Variants in ZEB2 observed in about 807,000 individuals in gnomAD.
The protein encoded by ZEB2 is zinc finger E-box-binding homeobox 2.
A neutral mutation model predicts 99.9 loss-of-function variants in ZEB2; 6 were observed. That is an observed-to-expected ratio of 0.06 (90% CI 0.03 to 0.12). The LOEUF is 0.12. Ranked by LOEUF, ZEB2 falls within the 10% of genes least tolerant of loss-of-function variation. The pLI is 1.00. For synonymous variants in ZEB2, 517 were observed against 542.5 expected, an observed-to-expected ratio of 0.95 and a Z score of 0.65; for missense variants, 969 against 1,502.8, an observed-to-expected ratio of 0.64 and a Z score of 5.87.
intron 2 of ZEB2, among the ~76,000 whole-genome samples, chr2:144,459,199 TAAGA>T (rs1173084678): frequency 2.6e-5 from 4 of 152,176 alleles, no homozygotes; most frequent in African/African-American, 9.7e-5. Context: ...GAAGCTGTGT[TAAGA>T]AATATTGTGC....
At position 144,505,321 on chromosome 2, in the gene ZEB2, G is replaced by T. The variant is rs540734574; in HGVS notation, c.73+11957C>A. On this transcript the variant is annotated intron_variant, in intron 2 of 9. Transcript: ENST00000627532. ...GAAAATAAAAAGCGACTGGGGGAAAGACAAGGAAAGCAAGTGGTTTTCAAG... is the reference window on the plus strand; with the variant it reads ...GAAAATAAAAAGCGACTGGGGGAAATACAAGGAAAGCAAGTGGTTTTCAAG... Among the ~76,000 whole-genome samples the T allele has an allele frequency of 2.6e-5, 4 of 152,320 alleles. No homozygotes were observed. The East Asian group carries it at 7.7e-4, about 29-fold the overall frequency.
At chr2:144,391,876 T>A (rs998187298) in intron 9 of ZEB2, among the ~76,000 whole-genome samples, 8 of 152,218 alleles carry the variant, frequency 5.3e-5, no homozygotes, top group Non-Finnish European at 1.5e-5. Flanking sequence ...TTCTCAGGCA[T>A]GTTAACTTCT....
At chr2:144,513,683 C>T (rs116497883) in intron 2 of ZEB2, 107,326 of 1,535,334 alleles carry the variant, frequency 0.07, 4,051 homozygotes, top group Middle Eastern at 0.079. Context: ...TCCCAGGACC[C>T]GCTGCCCGAA....
chr2:144,440,533 T>A (rs1487586933), intron 2 of ZEB2, among the ~76,000 whole-genome samples: 142 of 95,286 alleles, frequency 1.5e-3, no homozygotes, highest in African/African-American at 6.0e-3. Flanking sequence ...TTTTTTTTTT[T>A]TTTTTTTTTA....
intron 2 of ZEB2, among the ~76,000 whole-genome samples, 169 bp downstream of exon 2, chr2:144,517,109 A>G (rs1395797752): frequency 6.7e-6 from 1 of 149,750 alleles, no homozygotes; most frequent in Non-Finnish European, 1.5e-5. Context: ...CCCCCGGTCC[A>G]GCCGCCGCGC....
chr2:144,487,744 T>C (rs995722786), intron 2 of ZEB2, among the ~76,000 whole-genome samples: 6 of 152,130 alleles, frequency 3.9e-5, no homozygotes, highest in Non-Finnish European at 7.4e-5. Context: ...ACAAGTAAGA[T>C]CTCTGAAAAA....
chr2:144,500,320 T>C (rs1179140635), intron 2 of ZEB2, among the ~76,000 whole-genome samples: 47 of 152,240 alleles, frequency 3.1e-4, no homozygotes, highest in Non-Finnish European at 1.3e-4. Context: ...AATGATGATT[T>C]TTCTGCATTA....
intron 2 of ZEB2, among the ~76,000 whole-genome samples, chr2:144,471,551 C>T (rs1386742864): frequency 2.0e-5 from 3 of 151,100 alleles, no homozygotes; most frequent in Non-Finnish European, 4.4e-5. Flanking sequence ...TGGGTTTTTC[C>T]CTCCCCCACA....
chr2:144,511,030 GT>G (rs1179214874), intron 2 of ZEB2, among the ~76,000 whole-genome samples: 1 of 152,074 alleles, frequency 6.6e-6, no homozygotes, highest in Non-Finnish European at 1.5e-5. Context: ...CAGACTGGCA[GT>G]TTTTTTCCCC....
intron 2 of ZEB2, among the ~76,000 whole-genome samples, chr2:144,498,159 G>T (rs1704815380): frequency 9.1e-6 from 1 of 109,660 alleles, no homozygotes; most frequent in African/African-American, 3.8e-5. Context: ...ATATATATAT[G>T]AAACATTGGT....
At chr2:144,401,770 A>G (rs1703314573) in intron 6 of ZEB2, among the ~76,000 whole-genome samples, 1 of 152,232 alleles carries the variant, frequency 6.6e-6, no homozygotes, top group Non-Finnish European at 1.5e-5. Flanking sequence ...GTATCAGCAT[A>G]AAAGTATATC....
At position 144,384,250 on chromosome 2, in the gene ZEB2, G is replaced by C. The variant is rs1703051504; in HGVS notation, c.*5201C>G. 2 of 151,820 alleles carry C rather than the reference G, an allele frequency of 1.3e-5. No homozygotes were observed. The highest frequency in any genetic ancestry group is 2.9e-5 in the Non-Finnish European group (2 of 67,970). 9.4% of individuals were successfully genotyped at this position (151,820 alleles called of 1,614,324 possible). A position where few individuals can be genotyped will look rare whatever the true frequency, so the allele number is the denominator to read the frequency against. On this transcript the variant is annotated 3_prime_UTR_variant, in exon 10 of 10. Transcript: ENST00000627532. ...AACATGTCATGCTAGATTATAGGTA[G>C]TAGGCGACTCGTTTAATAGAGAAAG...
intron 2 of ZEB2, among the ~76,000 whole-genome samples, chr2:144,433,357 A>G (rs1009281794): frequency 6.6e-6 from 1 of 152,234 alleles, no homozygotes; most frequent in Non-Finnish European, 1.5e-5. Flanking sequence ...ATAATTATAT[A>G]CAGGTACTGT....
chr2:144,399,786 C>G lies in ZEB2; in HGVS notation c.1401G>C (p.Val467=). The change falls in exon 8 of 10, where the codon GTG becomes GTC. Residue 467 remains valine (V), a synonymous_variant. Transcript: ENST00000627532. This position sits in a 1 kb window ranked among gnomAD's most constrained non-coding sequence, Gnocchi z 5.6. ...TTTTTTGCCTGGAAACAGTATTGTC[C>G]ACAATCTGTAGAACCTTTTGTACCT... ...LSEVQKVLQI[V]DNTVSRQKMD... 6.2e-7 allele frequency: 1 copy of G among 1,614,050 alleles called. No individual in the cohort carries two copies. The highest frequency in any genetic ancestry group is 2.2e-5 in the East Asian group (1 of 44,880).
chr2:144,484,185 T>TTGTGTGTGTGTGTGTGTG (rs10529605), intron 2 of ZEB2, among the ~76,000 whole-genome samples: 15,402 of 142,274 alleles, frequency 0.11, 1,018 homozygotes, highest in Middle Eastern at 0.13. Flanking sequence ...AAATCTGGAT[T>TTGTGTGTGTGTGTGTGTG]TGTGTGTGTG....
chr2:144,440,954 G>A (rs1377281251), intron 2 of ZEB2, among the ~76,000 whole-genome samples: 13 of 150,594 alleles, frequency 8.6e-5, no homozygotes, highest in Non-Finnish European at 7.4e-5. Flanking sequence ...ATGTCACCCA[G>A]ACTTTCCCCT....
chr2:144,439,772 A>T (rs1250980875), intron 2 of ZEB2, among the ~76,000 whole-genome samples: 1 of 152,236 alleles, frequency 6.6e-6, no homozygotes, highest in East Asian at 1.9e-4. Flanking sequence ...TAAATGGCTT[A>T]TCTTTTTCTA....
At chr2:144,400,623 T>C (rs578013863) in intron 7 of ZEB2, among the ~76,000 whole-genome samples, 1 of 152,230 alleles carries the variant, frequency 6.6e-6, no homozygotes, top group Non-Finnish European at 1.5e-5. Context: ...AGTGTAGCCA[T>C]GGCTTTAATA....
At chr2:144,405,413 T>C (rs1703373065) in intron 4 of ZEB2, 2 of 229,170 alleles carry the variant, frequency 8.7e-6, no homozygotes, top group Non-Finnish European at 8.7e-6. Flanking sequence ...ATCTGAAATT[T>C]CATTTTCTTC....
Sources: allele counts gnomAD v4.1 joint callset (sites outside exome capture counted in the v4.1 genomes callset), GRCh38; gene constraint gnomAD v4.1.1; non-coding constraint Gnocchi (gnomAD v3.1); transcripts MANE v1.5; gene names NCBI Gene and HGNC (gene_info 2026-07-23, HGNC 2026-07-21).